SCCPDH: variants seen among roughly 807,000 people sequenced by gnomAD.
SCCPDH encodes saccharopine dehydrogenase-like oxidoreductase.
A neutral mutation model predicts 51.5 loss-of-function variants in SCCPDH; 34 were observed. That is an observed-to-expected ratio of 0.66 (90% CI 0.50 to 0.88). The LOEUF is 0.88. SCCPDH is among the 40% of genes least tolerant of loss of function. The pLI is 0.00. For missense variants in SCCPDH, 464 were observed against 527.1 expected (o/e 0.88, Z 1.17); for synonymous variants, 187 against 191.3 (o/e 0.98, Z 0.19).
At chr1:246,750,785 C>T (rs751030485) in intron 5 of SCCPDH, among the ~76,000 whole-genome samples, 4 of 152,182 alleles carry the variant, frequency 2.6e-5, no homozygotes, top group Non-Finnish European at 5.9e-5. Context: ...ATACTTTAGA[C>T]GACCAATTGG....
chr1:246,737,249 C>T lies in SCCPDH; in HGVS notation c.384+1194C>T, dbSNP rs977050863. On this transcript the variant is annotated intron_variant, in intron 3 of 11. Coordinates refer to ENST00000366510, the MANE Select transcript of SCCPDH (RefSeq NM_016002.3). ...GAAACAAATTAAAAAAAAAAAAAAG[C>T]CCAGGCGAGGTGGCTCACGCCTGTT... is the stretch of plus-strand genomic sequence containing the variant. Among the ~76,000 whole-genome samples the T allele has an allele frequency of 1.5e-4, 19 of 129,088 alleles. 1 individual carries two copies. The highest frequency in any genetic ancestry group is 5.2e-4 in the African/African-American group (19 of 36,730). 84.7% of individuals were successfully genotyped at this position (129,088 alleles called of 152,430 possible).
chr1:246,729,895 C>A (rs527458883), intron 2 of SCCPDH, among the ~76,000 whole-genome samples: 5 of 152,142 alleles, frequency 3.3e-5, no homozygotes, highest in African/African-American at 1.2e-4. Flanking sequence ...GTTCTTCTGC[C>A]GTGGCTTCAG....
chr1:246,748,579 A>G lies in SCCPDH; in HGVS notation c.564+4454A>G, dbSNP rs1027605718. On this transcript the variant is annotated intron_variant, in intron 5 of 11. Transcript: ENST00000366510. ...ACAGTATCCCTGGTGTAATTACTAA[A>G]CCACTGCTGATTATAATAGATGTAA... Among the ~76,000 whole-genome samples, 64 of 152,130 alleles carry G rather than the reference A, an allele frequency of 4.2e-4. 1 individual carries two copies. The highest frequency in any genetic ancestry group is 4.0e-3 in the Admixed American group (61 of 15,266).
At chr1:246,727,076 A>T in intron 2 of SCCPDH, 72 bp downstream of exon 2, 2 of 1,198,728 alleles carry the variant, frequency 1.7e-6, no homozygotes, top group Non-Finnish European at 2.5e-6. Context: ...CCAGAGGAAC[A>T]TAAGGACAGA....
At chr1:246,746,999 C>T (rs558772428) in intron 5 of SCCPDH, among the ~76,000 whole-genome samples, 1 of 152,272 alleles carries the variant, frequency 6.6e-6, no homozygotes, top group African/African-American at 2.4e-5. Flanking sequence ...TGCTTGGGAC[C>T]CTTGGTAGCA....
At chr1:246,752,533 T>G (rs1668864830) in intron 5 of SCCPDH, among the ~76,000 whole-genome samples, 1 of 152,206 alleles carries the variant, frequency 6.6e-6, no homozygotes, top group Admixed American at 6.5e-5. Flanking sequence ...GACCTTCAAT[T>G]ATCAATTGTA....
At chr1:246,736,593 T>C (rs1281479857) in intron 3 of SCCPDH, among the ~76,000 whole-genome samples, 1 of 151,742 alleles carries the variant, frequency 6.6e-6, no homozygotes, top group Non-Finnish European at 1.5e-5. Context: ...CCCAGCTTCT[T>C]GGGAGGCTGA....
At chr1:246,741,117 CAAAA>C (rs1326495766) in intron 4 of SCCPDH, among the ~76,000 whole-genome samples, 1 of 151,670 alleles carries the variant, frequency 6.6e-6, no homozygotes, top group African/African-American at 2.4e-5. Context: ...AAAACAAAAA[CAAAA>C]AACAAAACTG....
Position 246,724,523 on chromosome 1 carries a change from C to G in SCCPDH, c.101C>G (p.Pro34Arg). 2.6e-6 allele frequency: 4 copies of G among 1,551,492 alleles called. No homozygotes were observed. The highest frequency in any genetic ancestry group is 3.5e-6 in the Non-Finnish European group (4 of 1,151,470). Residue 34 changes from proline (P) to arginine (R), a missense_variant, in exon 1 of 12, where the codon CCG (proline) becomes CGG (arginine). Coordinates refer to ENST00000366510, the MANE Select transcript of SCCPDH (RefSeq NM_016002.3). Reference sequence around the variant, plus strand: ...GAGGTGGCCCGGGAGCAGGTGGACCCGGAGCGGAGCTCCCGCCTGCCCTGG... The same window carrying G: ...GAGGTGGCCCGGGAGCAGGTGGACCGGGAGCGGAGCTCCCGCCTGCCCTGG... ...TEEVAREQVD[P>R]ERSSRLPWAV...
chr1:246,759,994 C>T lies in SCCPDH; in HGVS notation c.851C>T (p.Thr284Ile). ...YAAYVTVGGI[T>I]SVIKLMFAGL... ...GCGTATGTAACTGTGGGAGGCATCA[C>T]CTCTGTTATTAAGCTGATGTTTGCA... Residue 284 changes from threonine to isoleucine, a missense_variant, in exon 8 of 12, where the codon ACC (threonine) becomes ATC (isoleucine). By Grantham distance (89) the Thr-to-Ile change is moderately conservative. Transcript: ENST00000366510. The T allele has an allele frequency of 2.5e-6, 4 of 1,613,536 alleles. No homozygotes were observed. Among genetic ancestry groups the T allele is most frequent in the Non-Finnish European group, 3.4e-6 (4 of 1,179,656 alleles).
chr1:246,726,614 T>G (rs1388233841), intron 1 of SCCPDH, among the ~76,000 whole-genome samples: 2 of 152,236 alleles, frequency 1.3e-5, no homozygotes, highest in African/African-American at 4.8e-5. Flanking sequence ...GAAATTGTCA[T>G]GTTACACAGG....
In SCCPDH at chr1:246,724,601, C is replaced by T. The variant is rs1668359141; in HGVS notation, c.179C>T (p.Ala60Val). The change falls in exon 1 of 12, where the codon GCC becomes GTC. Residue 60 changes from alanine to valine, a missense_variant. Transcript: ENST00000366510. ...EKLQRVLEKAALKLGRPTLSS... is the reference protein window; with the variant it reads ...EKLQRVLEKAVLKLGRPTLSS... ...CTGCAGCGGGTGCTGGAGAAGGCGG[C>T]CCTGAAGCTGGGTACAGCGGCGGGG... 10 of 1,500,880 alleles carry T rather than the reference C, an allele frequency of 6.7e-6. No homozygotes were observed. The highest frequency in any genetic ancestry group is 1.2e-5 in the South Asian group (1 of 80,142). The allele number at this position is 1,500,880 out of a possible 1,614,324, so 93.0% of individuals were successfully genotyped here.
chr1:246,736,880 G>T (rs1668600041), intron 3 of SCCPDH, among the ~76,000 whole-genome samples: 1 of 152,222 alleles, frequency 6.6e-6, no homozygotes, highest in Non-Finnish European at 1.5e-5. Context: ...TACCTATAGG[G>T]TAGTTATCTT....
intron 4 of SCCPDH, among the ~76,000 whole-genome samples, chr1:246,741,244 G>GCA (rs1305603104): frequency 6.6e-6 from 1 of 151,768 alleles, no homozygotes; most frequent in Non-Finnish European, 1.5e-5. Context: ...AACAAAGATA[G>GCA]CACACACACA....
intron 3 of SCCPDH, among the ~76,000 whole-genome samples, chr1:246,739,429 A>G (rs778602284): frequency 1.8e-4 from 28 of 152,212 alleles, no homozygotes; most frequent in Non-Finnish European, 3.2e-4. Context: ...ATCAGAGACA[A>G]GGAAAGTGTG....
chr1:246,754,408 G>T (rs1187522098), intron 5 of SCCPDH, among the ~76,000 whole-genome samples: 3 of 152,252 alleles, frequency 2.0e-5, no homozygotes, highest in Non-Finnish European at 4.4e-5. Flanking sequence ...AAAGGAGAAT[G>T]GGAATCCCGG....
At chr1:246,765,497 AG>A (rs1346647090) in intron 10 of SCCPDH, among the ~76,000 whole-genome samples, 2 of 152,238 alleles carry the variant, frequency 1.3e-5, no homozygotes, top group Non-Finnish European at 2.9e-5. Flanking sequence ...ATTATTTGAC[AG>A]GATTATAAAT....
Position 246,724,455 on chromosome 1 carries a change from G to A in SCCPDH, c.33G>A (p.Val11=). The part of the protein sequence containing the change: MATEQRPFHL[V]VFGASGFTGQ... ...CCGAGCAGAGGCCTTTCCACCTGGT[G>A]GTGTTCGGCGCGTCTGGCTTCACCG... is the stretch of plus-strand genomic sequence containing the variant. The change falls in exon 1 of 12, where the codon GTG becomes GTA. Residue 11 remains valine, a synonymous_variant. Transcript: ENST00000366510. 1.3e-6 allele frequency: 2 copies of A among 1,590,326 alleles called. No homozygotes were observed. The highest frequency in any genetic ancestry group is 1.1e-5 in the South Asian group (1 of 87,806).
At chr1:246,739,274 G>GTGATA in intron 3 of SCCPDH, among the ~76,000 whole-genome samples, 1 of 152,304 alleles carries the variant, frequency 6.6e-6, no homozygotes, top group East Asian at 1.9e-4. Context: ...TAGCCCCGAT[G>GTGATA]TGATATGATA....
Sources: allele counts gnomAD v4.1 joint callset (sites outside exome capture counted in the v4.1 genomes callset), GRCh38; gene constraint gnomAD v4.1.1; transcripts MANE v1.5; gene names NCBI Gene and HGNC (gene_info 2026-07-23, HGNC 2026-07-21).